TBC1D9B: variants seen among roughly 807,000 people sequenced by gnomAD.
TBC1D9B encodes the protein TBC1 domain family, member 9B (with GRAM domain).
TBC1D9B carries 87 observed loss-of-function variants against 121.1 expected under a neutral mutation model. That is an observed-to-expected ratio of 0.72 (90% CI 0.60 to 0.86). The LOEUF is 0.86. Among genes scored for constraint, TBC1D9B ranks in the 40% least tolerant of loss-of-function variants. The probability of loss-of-function intolerance (pLI) is 0.00; values close to 1 mark genes in which losing one functional copy is unlikely to be tolerated. For missense variants in TBC1D9B, 1,540 were observed against 1,628.6 expected (o/e 0.95, Z 0.94); for synonymous variants, 668 against 670.1 (o/e 1.00, Z 0.05).
chr5:179,907,769 T>C lies in TBC1D9B; in HGVS notation c.53A>G (p.Glu18Gly). 1 of 1,227,442 alleles carries C rather than the reference T, an allele frequency of 8.1e-7. No homozygotes were observed. The highest frequency in any genetic ancestry group is 1.0e-6 in the Non-Finnish European group (1 of 956,434). 76.0% of individuals were successfully genotyped at this position (1,227,442 alleles called of 1,614,324 possible). ...CAGCACGAAGAAGGGGTTGGCCCGCTCCGTCACCCACAGCGCATTGGCCAC... is the reference window on the plus strand; with the variant it reads ...CAGCACGAAGAAGGGGTTGGCCCGCCCCGTCACCCACAGCGCATTGGCCAC... ...VLVANALWVTERANPFFVLQR... is the reference protein window; with the variant it reads ...VLVANALWVTGRANPFFVLQR... The change falls in exon 1 of 21, where the codon GAG (glutamate) becomes GGG (glycine). Residue 18 changes from glutamate (E) to glycine (G), a missense_variant. Glu to Gly is a moderately conservative substitution (Grantham distance 98). Transcript: ENST00000355235. This position sits in a 1 kb window ranked among gnomAD's most constrained non-coding sequence, Gnocchi z 5.3.
At chr5:179,898,656 C>T (rs1344293408) in intron 3 of TBC1D9B, among the ~76,000 whole-genome samples, 1 of 151,422 alleles carries the variant, frequency 6.6e-6, no homozygotes, top group African/African-American at 2.4e-5. Context: ...GCCACGTTGG[C>T]CAGGCTGCTC....
intron 3 of TBC1D9B, among the ~76,000 whole-genome samples, chr5:179,895,713 G>A (rs78846995): frequency 0.048 from 7,241 of 152,300 alleles, 589 homozygotes; most frequent in African/African-American, 0.16. Context: ...GTCAGTCAAG[G>A]TCAGTGCTGG....
Position 179,888,209 on chromosome 5 carries a change from C to T in TBC1D9B, c.1148G>A (p.Arg383His), listed in dbSNP as rs568744817. The change falls in exon 7 of 21, where the codon CGT becomes CAT. Residue 383 changes from arginine (R) to histidine (H), a missense_variant. Transcript: ENST00000355235. Reference sequence around the variant, plus strand: ...AGAGATCCTCTGCACCAAGAAATCACGGTCTTTCAGGTTGGCAAACAGGAA... The same window carrying T: ...AGAGATCCTCTGCACCAAGAAATCATGGTCTTTCAGGTTGGCAAACAGGAA... ...MTFLFANLKD[R>H]DFLVQRISDF... 20 of 1,612,584 alleles carry T rather than the reference C, an allele frequency of 1.2e-5. No homozygotes were observed. The highest frequency in any genetic ancestry group is 1.6e-4 in the Middle Eastern group (1 of 6,062).
chr5:179,870,974 T>TG (rs1760176900), intron 15 of TBC1D9B, among the ~76,000 whole-genome samples: 1 of 152,192 alleles, frequency 6.6e-6, no homozygotes, highest in South Asian at 2.1e-4. Flanking sequence ...CCATTAAGGC[T>TG]GGGTCTTTTG....
chr5:179,899,353 G>A lies in TBC1D9B; in HGVS notation c.230-46C>T, dbSNP rs1272535790. 3 of 1,522,564 alleles carry A rather than the reference G, an allele frequency of 2.0e-6. No individual in the cohort carries two copies. The African/African-American group carries it at 4.1e-5, about 21-fold the overall frequency. 94.3% of individuals were successfully genotyped at this position (1,522,564 alleles called of 1,614,324 possible). On this transcript the variant is annotated intron_variant, in intron 2 of 20. Coordinates refer to ENST00000355235, the MANE Select transcript of TBC1D9B (RefSeq NM_015043.4). The stretch of plus-strand genomic sequence containing the variant: ...TAAAAGAAAAATCATGAATTCCCCA[G>A]GCCTTAAACGCACATTCAAAGAAGC...
Position 179,907,582 on chromosome 5 carries a change from G to A in TBC1D9B, c.118+122C>T. ...CGCCCCCGCCCCGCCGCGCGCTGGC[G>A]TGCGTGTCCGCCGCGACGCGCCGAG... On this transcript the variant is annotated intron_variant, in intron 1 of 20. Coordinates refer to ENST00000355235, the MANE Select transcript of TBC1D9B (RefSeq NM_015043.4). The surrounding 1 kb of genome is among the most constrained non-coding windows in gnomAD (Gnocchi z 5.3). 2 of 428,392 alleles carry A rather than the reference G, an allele frequency of 4.7e-6. No homozygotes were observed. The highest frequency in any genetic ancestry group is 6.2e-6 in the Non-Finnish European group (2 of 323,930). The allele number at this position is 428,392 out of a possible 1,614,324, so 26.5% of individuals were successfully genotyped here.
intron 18 of TBC1D9B, 121 bp from the exon 19 acceptor site, chr5:179,866,009 G>A (rs1203183832): frequency 2.4e-6 from 3 of 1,249,734 alleles, no homozygotes; most frequent in African/African-American, 3.0e-5. Context: ...CAGGCCCTGG[G>A]GAGCAGGTCT....
chr5:179,889,871 CAAA>C (rs397883158), intron 6 of TBC1D9B, among the ~76,000 whole-genome samples: 10 of 48,930 alleles, frequency 2.0e-4, no homozygotes, highest in East Asian at 8.1e-4. Flanking sequence ...GACCCTGTCT[CAAA>C]AAAAAAAAAA....
At position 179,865,766 on chromosome 5, in the gene TBC1D9B, G is replaced by C; in HGVS notation, c.2914+72C>G. 6.7e-7 allele frequency: 1 copy of C among 1,501,950 alleles called. No homozygotes were observed. The highest frequency in any genetic ancestry group is 9.0e-7 in the Non-Finnish European group (1 of 1,113,244). 93.0% of individuals were successfully genotyped at this position (1,501,950 alleles called of 1,614,324 possible). On this transcript the variant is annotated intron_variant, in intron 19 of 20. Coordinates refer to ENST00000355235, the MANE Select transcript of TBC1D9B (RefSeq NM_015043.4). The surrounding 1 kb of genome is among the most constrained non-coding windows in gnomAD (Gnocchi z 5.1). Reference sequence around the variant, plus strand: ...GTAGGGGGCTCCCTGGCAGTGACTGGGGAAAAGACCAGCAAGCAAGGGTGC... The same window carrying C: ...GTAGGGGGCTCCCTGGCAGTGACTGCGGAAAAGACCAGCAAGCAAGGGTGC...
intron 12 of TBC1D9B, among the ~76,000 whole-genome samples, chr5:179,873,879 G>A (rs1561636161): frequency 6.6e-6 from 1 of 152,158 alleles, no homozygotes; most frequent in Non-Finnish European, 1.5e-5. Flanking sequence ...TGCTCTGGAG[G>A]AGGCCCTATC....
At chr5:179,867,234 C>T (rs1440271660) in intron 18 of TBC1D9B, 4 of 541,402 alleles carry the variant, frequency 7.4e-6, no homozygotes, top group African/African-American at 3.8e-5. Context: ...GCCTGCTTGG[C>T]GCCTAGTGTG....
At chr5:179,887,843 A>G in intron 7 of TBC1D9B, 1 of 544,320 alleles carries the variant, frequency 1.8e-6, no homozygotes, top group South Asian at 2.2e-5. Flanking sequence ...CAGAAAGGAC[A>G]GCCAGAGAAG....
rs1341656872 is a variant in TBC1D9B, at chr5:179,890,383, G to A, written c.1044+996C>T. On this transcript the variant is annotated intron_variant, in intron 6 of 20. Coordinates refer to ENST00000355235, the MANE Select transcript of TBC1D9B (RefSeq NM_015043.4). This position sits in a 1 kb window ranked among gnomAD's most constrained non-coding sequence, Gnocchi z 5.0. ...CAGGAGAAATCCAAACGGAGCCTCA[G>A]GTGTCAGGAAGACCCCTAGGCCTGG... Among the ~76,000 whole-genome samples the A allele has an allele frequency of 2.0e-5, 3 of 152,186 alleles. No individual in the cohort carries two copies. The highest frequency in any genetic ancestry group is 2.9e-5 in the Non-Finnish European group (2 of 68,044).
At position 179,864,093 on chromosome 5, in the gene TBC1D9B, G is replaced by C. The variant is rs1561630641; in HGVS notation, c.3057C>G (p.Asn1019Lys). The C allele has an allele frequency of 1.9e-6, 3 of 1,613,074 alleles. No homozygotes were observed. Among genetic ancestry groups the C allele is most frequent in the Non-Finnish European group, 2.5e-6 (3 of 1,179,724 alleles). ...GCTCCATGGGGTCTTCACTGAACATGTTGTAAAGCGTCTTGCACAGCTCAA... is the reference window on the plus strand; with the variant it reads ...GCTCCATGGGGTCTTCACTGAACATCTTGTAAAGCGTCTTGCACAGCTCAA... Reference protein sequence around the residue: ...QFIELCKTLYNMFSEDPMEQD... With the variant: ...QFIELCKTLYKMFSEDPMEQD... Residue 1019 changes from asparagine to lysine, a missense_variant, in exon 21 of 21, where the codon AAC becomes AAG. Coordinates refer to ENST00000355235, the MANE Select transcript of TBC1D9B (RefSeq NM_015043.4).
chr5:179,899,491 T>TA (rs1249174994), intron 2 of TBC1D9B, among the ~76,000 whole-genome samples, 184 bp from the exon 3 acceptor site: 1 of 151,774 alleles, frequency 6.6e-6, no homozygotes, highest in Admixed American at 6.6e-5. Flanking sequence ...ATGGTCCTGG[T>TA]AAAAAAACAA....
At chr5:179,883,727 T>C (rs1229369219) in intron 7 of TBC1D9B, among the ~76,000 whole-genome samples, 1 of 152,212 alleles carries the variant, frequency 6.6e-6, no homozygotes, top group African/African-American at 2.4e-5. Context: ...GAGGAATGTT[T>C]TTCTGGTGTG....
At chr5:179,879,266 C>T (rs916086950) in intron 8 of TBC1D9B, 69 bp from the exon 9 acceptor site, 9 of 1,538,232 alleles carry the variant, frequency 5.9e-6, no homozygotes, top group Admixed American at 1.9e-5. Context: ...TAGGCCACCG[C>T]GGAAGCCTCG....
In TBC1D9B at chr5:179,891,698, C is replaced by T. The variant is rs917524843; in HGVS notation, c.837-112G>A. The T allele has an allele frequency of 4.9e-6, 6 of 1,227,810 alleles. No homozygotes were observed. Among genetic ancestry groups the T allele is most frequent in the African/African-American group, 4.5e-5 (3 of 66,544 alleles). 76.1% of individuals were successfully genotyped at this position (1,227,810 alleles called of 1,614,324 possible). ...CCTGTTTCCACATCAGATTCAGGAT[C>T]CCTGGGGTGGTCCCTTGAGCAAGTC... On this transcript the variant is annotated intron_variant, in intron 5 of 20. Coordinates refer to ENST00000355235, the MANE Select transcript of TBC1D9B (RefSeq NM_015043.4). This position sits in a 1 kb window ranked among gnomAD's most constrained non-coding sequence, Gnocchi z 4.3.
At position 179,873,112 on chromosome 5, in the gene TBC1D9B, T is replaced by G. The variant is rs764762307; in HGVS notation, c.2316+7A>C. 2.9e-5 allele frequency: 47 copies of G among 1,611,002 alleles called. No individual in the cohort carries two copies. Among genetic ancestry groups the G allele is most frequent in the Middle Eastern group, 1.6e-4 (1 of 6,076 alleles). On this transcript the variant is annotated splice_region_variant and intron_variant, in intron 13 of 20. Transcript: ENST00000355235. ...GCCTGGCCAAAATGGCCCCACTGGG[T>G]GCTGACCTCATAGGACACTTTCAGG...
Sources: gnomAD v4.1 joint callset for allele counts (sites outside exome capture counted in the v4.1 genomes callset) on GRCh38, gnomAD v4.1.1 for gene constraint, Gnocchi (gnomAD v3.1) non-coding constraint, MANE v1.5 for transcripts, NCBI Gene and HGNC (gene_info 2026-07-23, HGNC 2026-07-21) for gene names.